Variants in PILRA observed in about 807,000 individuals in gnomAD.
PILRA encodes paired immunoglobin like type 2 receptor alpha.
A neutral mutation model predicts 33.1 loss-of-function variants in PILRA; 37 were observed. The ratio of observed to expected loss-of-function variants is 1.12; its 90% CI spans 0.86 to 1.47. The LOEUF is 1.47. Among genes scored for constraint, PILRA ranks in the 40% most tolerant of loss-of-function variants. The pLI is 0.00. For synonymous variants in PILRA, 146 were observed against 149.9 expected (o/e 0.97, Z 0.19); for missense variants, 312 against 376.2 (o/e 0.83, Z 1.41).
intron 1 of PILRA, 23 bp downstream of exon 1, chr7:100,373,743 A>T (rs1286409207): frequency 6.2e-7 from 1 of 1,612,220 alleles, no homozygotes; most frequent in Non-Finnish European, 8.5e-7. Flanking sequence ...GACCACCCAG[A>T]TGTGGGCTCT....
At chr7:100,379,931 G>C (rs1038786016) in intron 2 of PILRA, among the ~76,000 whole-genome samples, 1 of 152,148 alleles carries the variant, frequency 6.6e-6, no homozygotes, top group Non-Finnish European at 1.5e-5. Context: ...CAGATGAATG[G>C]CAATTTATAC....
At chr7:100,381,563 T>TA (rs1483191146) in intron 2 of PILRA, among the ~76,000 whole-genome samples, 2 of 152,024 alleles carry the variant, frequency 1.3e-5, no homozygotes, top group South Asian at 2.1e-4. Flanking sequence ...ATGTGAGAGG[T>TA]GACAGCGTGC....
chr7:100,372,994 G>A (rs1430231855), upstream of PILRA, among the ~76,000 whole-genome samples: 1 of 152,010 alleles, frequency 6.6e-6, no homozygotes, highest in South Asian at 2.1e-4. Flanking sequence ...GAGCAAGGTC[G>A]TGGTGCCTGC....
At chr7:100,371,714 TC>T (rs1335796985), upstream of PILRA, among the ~76,000 whole-genome samples, 1 of 152,126 alleles carries the variant, frequency 6.6e-6, no homozygotes, top group Admixed American at 6.5e-5. Flanking sequence ...GCCCTCCTCC[TC>T]CTCTCAGAAG....
chr7:100,387,202 T>C (rs1791272979), intron 2 of PILRA, among the ~76,000 whole-genome samples: 1 of 152,150 alleles, frequency 6.6e-6, no homozygotes, highest in Admixed American at 6.5e-5. Flanking sequence ...TAGGCATAAA[T>C]GAGTTAAGGT....
In PILRA at chr7:100,397,776, G is replaced by A. The variant is rs185554037; in HGVS notation, c.674-103G>A. The A allele has an allele frequency of 3.0e-5, 37 of 1,225,418 alleles. No individual in the cohort carries two copies. In the East Asian group the frequency reaches 6.1e-4, roughly 20 times the overall value. The allele number at this position is 1,225,418 out of a possible 1,614,324, so 75.9% of individuals were successfully genotyped here. ...TTGGGTGGAGCAGCTCTGCTGCTCC[G>A]GTCCCTCTAAGGAGGGCCTCAGCCT... On this transcript the variant is annotated intron_variant, in intron 3 of 6. Coordinates refer to ENST00000198536, the MANE Select transcript of PILRA (RefSeq NM_013439.3).
intron 3 of PILRA, among the ~76,000 whole-genome samples, chr7:100,394,215 A>G (rs1218480617): frequency 6.6e-6 from 1 of 152,198 alleles, no homozygotes; most frequent in Non-Finnish European, 1.5e-5. Context: ...GAGTCTGAAT[A>G]ATCTGTAGAA....
chr7:100,378,481 A>G (rs998366510), intron 2 of PILRA, among the ~76,000 whole-genome samples: 2 of 152,202 alleles, frequency 1.3e-5, no homozygotes, highest in Middle Eastern at 3.2e-3. Context: ...CTTTTAAGTC[A>G]GTTGCATTAA....
intron 3 of PILRA, among the ~76,000 whole-genome samples, chr7:100,397,126 T>TAAA (rs34593183): frequency 2.4e-5 from 3 of 125,812 alleles, no homozygotes; most frequent in African/African-American, 3.0e-5. Flanking sequence ...GTCTAAACAT[T>TAAA]AAAAAAAAAA....
chr7:100,381,895 C>G (rs1347971446), intron 2 of PILRA, among the ~76,000 whole-genome samples: 1 of 152,192 alleles, frequency 6.6e-6, no homozygotes, highest in Non-Finnish European at 1.5e-5. Context: ...GCCTGGTGCC[C>G]CAGCAGTGCC....
chr7:100,371,881 A>G (rs557605415), upstream of PILRA, among the ~76,000 whole-genome samples: 18 of 152,358 alleles, frequency 1.2e-4, no homozygotes, highest in African/African-American at 2.9e-4. Flanking sequence ...AGCTGGATCC[A>G]GGGCCTGAAA....
chr7:100,392,409 G>T (rs1584226033), intron 3 of PILRA, among the ~76,000 whole-genome samples: 1 of 152,284 alleles, frequency 6.6e-6, no homozygotes, highest in Admixed American at 6.5e-5. Context: ...AGCCTTGTTG[G>T]TACAAAGGCT....
intron 2 of PILRA, among the ~76,000 whole-genome samples, chr7:100,386,592 A>G (rs1301932316): frequency 6.6e-6 from 1 of 152,044 alleles, no homozygotes; most frequent in Admixed American, 6.5e-5. Context: ...ATCATAGATC[A>G]CTGCAGCCTC....
rs1461195044 is a variant in PILRA, at chr7:100,399,349, T to C, written c.757+9T>C. The C allele has an allele frequency of 6.2e-6, 10 of 1,609,608 alleles. No homozygotes were observed. The highest frequency in any genetic ancestry group is 8.5e-6 in the Non-Finnish European group (10 of 1,176,234). On this transcript the variant is annotated intron_variant, in intron 5 of 6. Coordinates refer to ENST00000198536, the MANE Select transcript of PILRA (RefSeq NM_013439.3). ...GAATATCAGGAATGAAGGTGAGTCC[T>C]TACCACCATCCTTCCCCAGTTTCTA...
upstream of PILRA, chr7:100,373,393 C>T (rs1264801449): frequency 3.5e-5 from 20 of 576,088 alleles, no homozygotes; most frequent in African/African-American, 1.7e-4. Flanking sequence ...ACGGGGACCG[C>T]GGCCTTTGGG....
At chr7:100,381,302 T>C (rs1269745855) in intron 2 of PILRA, among the ~76,000 whole-genome samples, 1 of 150,518 alleles carries the variant, frequency 6.6e-6, no homozygotes, top group Non-Finnish European at 1.5e-5. Context: ...AACAACTAGC[T>C]GGGTATAGTG....
Position 100,389,873 on chromosome 7 carries a change from C to T in PILRA, c.455-15C>T. On this transcript the variant is annotated splice_polypyrimidine_tract_variant and intron_variant, in intron 2 of 6. Transcript: ENST00000198536. ...CCCCCAGGGGAGGGTCTGCTCATTCCTCATCTCTCCCCAGCTGTCACGACC... is the reference window on the plus strand; with the variant it reads ...CCCCCAGGGGAGGGTCTGCTCATTCTTCATCTCTCCCCAGCTGTCACGACC... 2.5e-6 allele frequency: 4 copies of T among 1,610,724 alleles called. No individual in the cohort carries two copies. Among genetic ancestry groups the T allele is most frequent in the Non-Finnish European group, 3.4e-6 (4 of 1,177,362 alleles).
chr7:100,374,093 A>G lies in PILRA; in HGVS notation c.114A>G (p.Pro38=), dbSNP rs145804367. 1.9e-6 allele frequency: 3 copies of G among 1,613,960 alleles called. No homozygotes were observed. The highest frequency in any genetic ancestry group is 2.5e-6 in the Non-Finnish European group (3 of 1,179,988). Residue 38 remains proline, a synonymous_variant, in exon 2 of 7, where the codon CCA becomes CCG. Transcript: ENST00000198536. The part of the protein sequence containing the change: ...GPSYLYGVTQ[P]KHLSASMGGS... ...GCTACCTTTATGGGGTCACTCAACC[A>G]AAACACCTCTCAGCCTCCATGGGTG...
At chr7:100,382,632 G>C (rs534043659) in intron 2 of PILRA, among the ~76,000 whole-genome samples, 1 of 152,236 alleles carries the variant, frequency 6.6e-6, no homozygotes, top group East Asian at 1.9e-4. Context: ...GGTGGTGCCA[G>C]GTAAGGGAAT....
Sources: allele counts gnomAD v4.1 joint callset (sites outside exome capture counted in the v4.1 genomes callset), GRCh38; gene constraint gnomAD v4.1.1; transcripts MANE v1.5; gene names NCBI Gene and HGNC (gene_info 2026-07-23, HGNC 2026-07-21).